The following PPFIBP1 variants were observed in gnomAD, a reference collection of about 807,000 sequenced individuals.
The protein encoded by PPFIBP1 is liprin-beta-1.
PPFIBP1 carries 112 observed loss-of-function variants against 137.8 expected under a neutral mutation model. The ratio of observed to expected loss-of-function variants is 0.81; its 90% CI spans 0.70 to 0.95. The LOEUF (loss-of-function observed/expected upper bound fraction) is 0.95. PPFIBP1 is among the 40% of genes least tolerant of loss of function. The pLI is 0.00. For synonymous variants in PPFIBP1, 378 were observed against 417.3 expected (o/e 0.91, Z 1.15); for missense variants, 1,083 against 1,196.6 (o/e 0.91, Z 1.40).
At chr12:27,605,304 A>T (rs2054413751) in intron 2 of PPFIBP1, among the ~76,000 whole-genome samples, 1 of 152,240 alleles carries the variant, frequency 6.6e-6, no homozygotes, top group Non-Finnish European at 1.5e-5. Flanking sequence ...ATATTTTTTA[A>T]AACCTACCAA....
chr12:27,639,670 A>G (rs1565917909), intron 4 of PPFIBP1, among the ~76,000 whole-genome samples: 1 of 152,270 alleles, frequency 6.6e-6, no homozygotes, highest in Non-Finnish European at 1.5e-5. Flanking sequence ...AGATAGGTAA[A>G]CAGGTGAAGT....
chr12:27,626,462 T>C (rs950650136), intron 2 of PPFIBP1, among the ~76,000 whole-genome samples: 2 of 152,132 alleles, frequency 1.3e-5, no homozygotes, highest in Non-Finnish European at 2.9e-5. Flanking sequence ...AGTCTAGTGA[T>C]TGAGTGCGCC....
intron 21 of PPFIBP1, among the ~76,000 whole-genome samples, chr12:27,680,842 G>A (rs1271127232): frequency 6.6e-6 from 1 of 152,116 alleles, no homozygotes. Context: ...AGACTGACTA[G>A]AAACCCTTTA....
intron 2 of PPFIBP1, among the ~76,000 whole-genome samples, chr12:27,630,229 T>A (rs1964314): frequency 0.32 from 48,061 of 151,580 alleles, 8,178 homozygotes; most frequent in Middle Eastern, 0.39. Flanking sequence ...AGGTCAACCA[T>A]ATCTATATTA....
intron 11 of PPFIBP1, among the ~76,000 whole-genome samples, chr12:27,663,938 G>T (rs907332510): frequency 1.3e-5 from 2 of 152,166 alleles, no homozygotes; most frequent in Non-Finnish European, 2.9e-5. Flanking sequence ...AAGCCAGATG[G>T]TGATTAATGA....
chr12:27,650,758 T>C (rs2058828506), intron 7 of PPFIBP1, among the ~76,000 whole-genome samples: 1 of 152,268 alleles, frequency 6.6e-6, no homozygotes, highest in Non-Finnish European at 1.5e-5. Context: ...GTTTGTTCTA[T>C]TTTGTTAATT....
At chr12:27,534,824 T>C (rs1183868100) in intron 1 of PPFIBP1, among the ~76,000 whole-genome samples, 1 of 152,210 alleles carries the variant, frequency 6.6e-6, no homozygotes, top group African/African-American at 2.4e-5. Context: ...GATAAGGTGG[T>C]CTCTGATCTT....
intron 2 of PPFIBP1, among the ~76,000 whole-genome samples, chr12:27,585,989 C>A (rs1291003602): frequency 2.0e-5 from 3 of 152,204 alleles, no homozygotes; most frequent in African/African-American, 7.2e-5. Context: ...TTTGCTTGGA[C>A]TTTATTCTGT....
chr12:27,594,253 C>T (rs1462623903), intron 2 of PPFIBP1, among the ~76,000 whole-genome samples: 4 of 144,006 alleles, frequency 2.8e-5, no homozygotes, highest in Non-Finnish European at 6.0e-5. Flanking sequence ...TCTCGGCTCA[C>T]TGCAACCTCC....
At chr12:27,671,595 A>G in intron 14 of PPFIBP1, 49 bp downstream of exon 14, 1 of 1,216,076 alleles carries the variant, frequency 8.2e-7, no homozygotes, top group Admixed American at 2.4e-5. Flanking sequence ...AAAGTAGATC[A>G]GCCAAAGACA....
At chr12:27,689,774 A>G (rs555702014) in intron 27 of PPFIBP1, among the ~76,000 whole-genome samples, 1 of 152,190 alleles carries the variant, frequency 6.6e-6, no homozygotes, top group South Asian at 2.1e-4. Context: ...TGTTGGCTGC[A>G]CTTCCACCTA....
At chr12:27,666,780 C>T (rs542206846) in intron 12 of PPFIBP1, among the ~76,000 whole-genome samples, 4 of 152,258 alleles carry the variant, frequency 2.6e-5, no homozygotes, top group East Asian at 1.9e-4. Context: ...ATTCACAATT[C>T]GTTTTTTGTA....
intron 19 of PPFIBP1, 42 bp from the exon 20 acceptor site, chr12:27,679,447 C>T: frequency 6.4e-7 from 1 of 1,561,652 alleles, no homozygotes; most frequent in Non-Finnish European, 8.7e-7. Flanking sequence ...ATGTTTATTC[C>T]ATATTTTAAA....
chr12:27,573,758 G>A (rs2136734915), intron 1 of PPFIBP1, among the ~76,000 whole-genome samples: 1 of 152,294 alleles, frequency 6.6e-6, no homozygotes, highest in East Asian at 1.9e-4. Flanking sequence ...TGAGATGGAA[G>A]TACTACTTGA....
At chr12:27,558,161 C>T (rs985661096) in intron 1 of PPFIBP1, among the ~76,000 whole-genome samples, 1 of 152,008 alleles carries the variant, frequency 6.6e-6, no homozygotes, top group Non-Finnish European at 1.5e-5. Context: ...GTTTGGAATA[C>T]AATTATTAGA....
chr12:27,587,577 C>G (rs9971926), intron 2 of PPFIBP1, among the ~76,000 whole-genome samples: 13,422 of 141,930 alleles, frequency 0.095, 745 homozygotes, highest in African/African-American at 0.15. Context: ...GAGCCAAGAT[C>G]GCACCACTGC....
chr12:27,592,806 A>T, intron 2 of PPFIBP1: 1 of 674,246 alleles, frequency 1.5e-6, no homozygotes, highest in South Asian at 1.8e-5. Context: ...AGCCAAGTCA[A>T]CATTTACTCA....
intron 2 of PPFIBP1, among the ~76,000 whole-genome samples, chr12:27,627,677 A>T (rs958255242): frequency 1.3e-5 from 2 of 152,168 alleles, no homozygotes; most frequent in East Asian, 1.9e-4. Flanking sequence ...CCGTGCAAAA[A>T]ATTATGGTGT....
chr12:27,655,538 C>T (rs533017860), intron 8 of PPFIBP1, among the ~76,000 whole-genome samples: 2 of 152,278 alleles, frequency 1.3e-5, no homozygotes, highest in Non-Finnish European at 2.9e-5. Flanking sequence ...TGAAAGAATT[C>T]TGTTTCGTAT....
Sources: allele counts gnomAD v4.1 joint callset (sites outside exome capture counted in the v4.1 genomes callset), GRCh38; gene constraint gnomAD v4.1.1; transcripts MANE v1.5; gene names NCBI Gene and HGNC (gene_info 2026-07-23, HGNC 2026-07-21).